CRLS1: variants seen among roughly 807,000 people sequenced by gnomAD.
CRLS1 encodes cardiolipin synthase (CMP-forming).
In CRLS1, 24 loss-of-function variants were observed where a neutral mutation model predicts 37.0. The observed-to-expected ratio is 0.65, with a 90% CI of 0.47 to 0.91. The LOEUF is 0.91. CRLS1 is among the 40% of genes least tolerant of loss of function. CRLS1 has a pLI of 0.00. For synonymous variants in CRLS1, 135 were observed against 159.7 expected (o/e 0.85, Z 1.17); for missense variants, 373 against 395.8 (o/e 0.94, Z 0.49).
rs140389498 is a variant in CRLS1, at chr20:6,036,201, C to T, written c.822-873C>T. ...TTGGCCTCAAACAATCCTCCTGCCT[C>T]GGCCTGCCAAAGTGGTAGGATTATA... On this transcript the variant is annotated intron_variant, in intron 6 of 6. Coordinates refer to ENST00000378863, the MANE Select transcript of CRLS1 (RefSeq NM_019095.6). 4.1e-3 allele frequency among the ~76,000 whole-genome samples: 631 copies of T among 152,300 alleles called. 4 individuals are homozygous for T. The highest frequency in any genetic ancestry group is 5.1e-3 in the Non-Finnish European group (350 of 68,032).
At chr20:6,013,109 A>G (rs1978460245) in intron 2 of CRLS1, among the ~76,000 whole-genome samples, 2 of 152,286 alleles carry the variant, frequency 1.3e-5, no homozygotes, top group South Asian at 4.1e-4. Flanking sequence ...GTCTTTTAAA[A>G]AGATATATAC....
rs11477685 is a variant in CRLS1 at position 6,019,061 on chromosome 20, C to CT, written c.574+3581dup. Reference sequence around the variant, plus strand: ...CTAGCCTCATAAAATGAATTGGGGACTTTTTTTTTTCTTCCATTCTTGGAA... The same window carrying CT: ...CTAGCCTCATAAAATGAATTGGGGACTTTTTTTTTTTCTTCCATTCTTGGAA... On this transcript the variant is annotated intron_variant, in intron 3 of 6. Coordinates refer to ENST00000378863, the MANE Select transcript of CRLS1 (RefSeq NM_019095.6). 6.1e-5 allele frequency among the ~76,000 whole-genome samples: 9 copies of CT among 148,754 alleles called. No homozygotes were observed. In the South Asian group the frequency reaches 6.4e-4, roughly 11 times the overall value.
chr20:6,015,316 C>T (rs1978653144), intron 2 of CRLS1, 45 bp from the exon 3 acceptor site: 2 of 1,296,942 alleles, frequency 1.5e-6, no homozygotes. Context: ...CTGCTTTGTT[C>T]CTGTTATGAC....
chr20:6,037,024 C>G, intron 6 of CRLS1, 50 bp from the exon 7 acceptor site: 1 of 1,316,744 alleles, frequency 7.6e-7, no homozygotes, highest in Non-Finnish European at 1.1e-6. Context: ...CCCGTTGCTA[C>G]TATTTTTTAG....
chr20:6,014,886 A>C (rs1326381891), intron 2 of CRLS1, among the ~76,000 whole-genome samples: 1 of 152,238 alleles, frequency 6.6e-6, no homozygotes, highest in East Asian at 1.9e-4. Context: ...TAGGTAATGC[A>C]GATACAGTCA....
intron 2 of CRLS1, among the ~76,000 whole-genome samples, chr20:6,010,818 A>C (rs1230402585): frequency 6.6e-6 from 1 of 152,216 alleles, no homozygotes; most frequent in Non-Finnish European, 1.5e-5. Context: ...GGAGTTTGAG[A>C]TCAACCTGCA....
intron 3 of CRLS1, among the ~76,000 whole-genome samples, chr20:6,018,211 G>A (rs926474312): frequency 2.8e-5 from 1 of 35,448 alleles, no homozygotes; most frequent in African/African-American, 2.0e-4. Context: ...GTGAGACTCT[G>A]TCCTCAAAAA....
chr20:6,015,364 G>C lies in CRLS1; in HGVS notation c.448G>C (p.Asp150His). 6.3e-7 allele frequency: 1 copy of C among 1,577,670 alleles called. No homozygotes were observed. Among genetic ancestry groups the C allele is most frequent in the Non-Finnish European group, 8.6e-7 (1 of 1,160,770 alleles). The change falls in exon 3 of 7, where the codon GAT becomes CAT. Residue 150 changes from aspartate (D) to histidine (H), a missense_variant. Transcript: ENST00000378863. ...AAAAAAAAACTTCTATTTTCAGTTGGATGGATTTATTGCTCGAAACTGGGC... is the reference window on the plus strand; with the variant it reads ...AAAAAAAAACTTCTATTTTCAGTTGCATGGATTTATTGCTCGAAACTGGGC... ...FALAGLTDLL[D>H]GFIARNWANQ...
chr20:6,013,074 G>T (rs1416737658), intron 2 of CRLS1, among the ~76,000 whole-genome samples: 3 of 152,076 alleles, frequency 2.0e-5, no homozygotes, highest in Non-Finnish European at 4.4e-5. Context: ...TTTGTAGGGG[G>T]ATAGAGAAAT....
intron 6 of CRLS1, among the ~76,000 whole-genome samples, chr20:6,036,244 C>T (rs575482354): frequency 6.6e-6 from 1 of 152,332 alleles, no homozygotes; most frequent in South Asian, 2.1e-4. Context: ...GCCACTGCGT[C>T]CAGCTAGAAA....
intron 3 of CRLS1, among the ~76,000 whole-genome samples, chr20:6,021,256 G>A (rs940601483): frequency 5.3e-5 from 8 of 151,754 alleles, no homozygotes; most frequent in African/African-American, 9.7e-5. Flanking sequence ...TAGTAGAGAC[G>A]GGGTTTCACC....
At chr20:6,010,962 A>G (rs532628192) in intron 2 of CRLS1, among the ~76,000 whole-genome samples, 1 of 152,086 alleles carries the variant, frequency 6.6e-6, no homozygotes, top group South Asian at 2.1e-4. Flanking sequence ...GGCTGCAGTG[A>G]GCTATGATCG....
At chr20:6,021,026 T>C (rs1979234558) in intron 3 of CRLS1, among the ~76,000 whole-genome samples, 1 of 151,710 alleles carries the variant, frequency 6.6e-6, no homozygotes, top group African/African-American at 2.4e-5. Context: ...TGTCTGGTTC[T>C]CCAGTATTTG....
At chr20:6,019,512 C>CTTTTTTTTTTTTTTTTTT (rs10610960) in intron 3 of CRLS1, among the ~76,000 whole-genome samples, 1 of 118,490 alleles carries the variant, frequency 8.4e-6, no homozygotes, top group African/African-American at 3.3e-5. Flanking sequence ...TTTTTTGTCC[C>CTTTTTTTTTTTTTTTTTT]TTTTTTTTTT....
chr20:6,017,620 T>G (rs1482294513), intron 3 of CRLS1, among the ~76,000 whole-genome samples: 3 of 152,244 alleles, frequency 2.0e-5, no homozygotes, highest in African/African-American at 4.8e-5. Flanking sequence ...TTGGACATTC[T>G]TAGCCCTTTC....
At chr20:6,032,662 A>C (rs185308262) in intron 5 of CRLS1, among the ~76,000 whole-genome samples, 68 of 152,356 alleles carry the variant, frequency 4.5e-4, no homozygotes, top group Non-Finnish European at 7.9e-4. Flanking sequence ...CTAATAAACA[A>C]CTGCTACTCT....
chr20:6,031,323 T>C lies in CRLS1; in HGVS notation c.613T>C (p.Leu205=). ...TYMIISRDVM[L]IAAVFYVRYR... is the part of the protein sequence containing the mutation. Reference sequence around the variant, plus strand: ...CATGATCATTTCGAGAGATGTAATGTTGATTGCTGCTGTTTTTTATGTCAG... The same window carrying C: ...CATGATCATTTCGAGAGATGTAATGCTGATTGCTGCTGTTTTTTATGTCAG... The change falls in exon 4 of 7, where the codon TTG becomes CTG. Residue 205 remains leucine, a synonymous_variant. Coordinates refer to ENST00000378863, the MANE Select transcript of CRLS1 (RefSeq NM_019095.6). The C allele has an allele frequency of 6.2e-7, 1 of 1,609,918 alleles. No homozygotes were observed. The highest frequency in any genetic ancestry group is 8.5e-7 in the Non-Finnish European group (1 of 1,178,234).
intron 3 of CRLS1, among the ~76,000 whole-genome samples, chr20:6,025,639 C>G (rs1460264572): frequency 6.6e-6 from 1 of 152,090 alleles, no homozygotes; most frequent in Non-Finnish European, 1.5e-5. Context: ...TGGATCTGGG[C>G]AAAGTAAATT....
At chr20:6,008,497 C>T (rs574898505) in intron 1 of CRLS1, among the ~76,000 whole-genome samples, 49 of 152,294 alleles carry the variant, frequency 3.2e-4, no homozygotes, top group South Asian at 1.7e-3. Context: ...TTGTTAGTGC[C>T]AACTTCAAAC....
Sources: allele counts gnomAD v4.1 joint callset (sites outside exome capture counted in the v4.1 genomes callset), GRCh38; gene constraint gnomAD v4.1.1; transcripts MANE v1.5; gene names NCBI Gene and HGNC (gene_info 2026-07-23, HGNC 2026-07-21).